Variants in CCDC93 observed in about 807,000 individuals in gnomAD.
CCDC93 encodes the protein CCC complex scaffolding subunit CCDC93, also known as coiled-coil domain-containing protein 93.
A neutral mutation model predicts 108.2 loss-of-function variants in CCDC93; 61 were observed. The observed-to-expected ratio is 0.56, with a 90% confidence interval of 0.46 to 0.70. The LOEUF is 0.70. Among genes scored for constraint, CCDC93 ranks in the 30% least tolerant of loss-of-function variants. The pLI is 0.00. For missense variants in CCDC93, 685 were observed against 764.2 expected, an observed-to-expected ratio of 0.90 and a Z score of 1.22; for synonymous variants, 276 against 260.4, an observed-to-expected ratio of 1.06 and a Z score of -0.58.
intron 12 of CCDC93, among the ~76,000 whole-genome samples, chr2:117,953,054 A>G (rs904552241): frequency 6.6e-6 from 1 of 152,376 alleles, no homozygotes; most frequent in South Asian, 2.1e-4. Context: ...CCTTGTGTCT[A>G]TCAACTTTTA....
chr2:117,953,644 A>G (rs1275977807), intron 12 of CCDC93, among the ~76,000 whole-genome samples: 3 of 151,408 alleles, frequency 2.0e-5, no homozygotes, highest in Non-Finnish European at 4.4e-5. Flanking sequence ...TGATTAAGTC[A>G]TGAGGGCTCC....
chr2:117,939,546 GTAT>G (rs1292987210), intron 19 of CCDC93, among the ~76,000 whole-genome samples: 1 of 152,190 alleles, frequency 6.6e-6, no homozygotes, highest in Non-Finnish European at 1.5e-5. Context: ...ATAGATGCAG[GTAT>G]TATTATTGCT....
chr2:117,918,510 C>T lies in CCDC93; in HGVS notation c.*1833G>A, dbSNP rs1221486140. 2 of 152,236 alleles carry T rather than the reference C, an allele frequency of 1.3e-5. No homozygotes were observed. The highest frequency in any genetic ancestry group is 2.9e-5 in the Non-Finnish European group (2 of 68,048). The allele number at this position is 152,236 out of a possible 1,614,324, so 9.4% of individuals were successfully genotyped here. On this transcript the variant is annotated 3_prime_UTR_variant, in exon 24 of 24. Transcript: ENST00000376300. The stretch of plus-strand genomic sequence containing the variant: ...CCAGTAACCCCAGAATGTCATCTGC[C>T]TCCCTACCACCTTTGGACAAATATT...
chr2:118,013,384 C>G (rs2104841528), intron 1 of CCDC93, among the ~76,000 whole-genome samples: 1 of 152,366 alleles, frequency 6.6e-6, no homozygotes, highest in East Asian at 1.9e-4. Flanking sequence ...GGACACCTCC[C>G]TGGTGCGCGC....
chr2:117,947,084 CAA>C (rs1270282992), intron 15 of CCDC93, among the ~76,000 whole-genome samples: 1 of 152,182 alleles, frequency 6.6e-6, no homozygotes, highest in East Asian at 1.9e-4. Context: ...ATTCCTCCAT[CAA>C]AAGAGGTCCT....
At chr2:117,929,974 A>G (rs553507862) in intron 23 of CCDC93, among the ~76,000 whole-genome samples, 1 of 152,156 alleles carries the variant, frequency 6.6e-6, no homozygotes, top group Non-Finnish European at 1.5e-5. Flanking sequence ...CTCTCCCACC[A>G]CAGCGTATGC....
chr2:118,007,979 C>T (rs1048409300), intron 2 of CCDC93, among the ~76,000 whole-genome samples: 5 of 152,188 alleles, frequency 3.3e-5, no homozygotes, highest in South Asian at 2.1e-4. Context: ...TTATTCTGTG[C>T]ATGTTGATTC....
At chr2:117,947,993 C>A in intron 15 of CCDC93, 112 bp downstream of exon 15, 1 of 856,432 alleles carries the variant, frequency 1.2e-6, no homozygotes, top group Non-Finnish European at 1.9e-6. Flanking sequence ...TGCGCCTGGC[C>A]AAATCTGCTT....
chr2:117,944,891 C>G, intron 17 of CCDC93: 2 of 453,700 alleles, frequency 4.4e-6, no homozygotes, highest in South Asian at 1.6e-5. Context: ...ACTTCCTTTC[C>G]TATCTCTTTC....
At chr2:117,998,127 G>A (rs1292257723) in intron 4 of CCDC93, 1 of 152,162 alleles carries the variant, frequency 6.6e-6, no homozygotes, top group African/African-American at 2.4e-5. Flanking sequence ...TCCAACCCAG[G>A]AGAAAAAGAT....
intron 23 of CCDC93, among the ~76,000 whole-genome samples, chr2:117,923,680 G>GCCTC (rs3078080): frequency 0.36 from 51,590 of 145,280 alleles, 9,531 homozygotes; most frequent in African/African-American, 0.48. Context: ...CTGCCTGCCT[G>GCCTC]CCTCTATAGA....
intron 12 of CCDC93, 83 bp from the exon 13 acceptor site, chr2:117,952,518 A>C: frequency 9.6e-7 from 1 of 1,036,334 alleles, no homozygotes. Flanking sequence ...GAGAAAATGA[A>C]AGCTCAGAAA....
At chr2:117,938,062 T>C (rs1678577490) in intron 20 of CCDC93, among the ~76,000 whole-genome samples, 1 of 152,206 alleles carries the variant, frequency 6.6e-6, no homozygotes, top group Non-Finnish European at 1.5e-5. Flanking sequence ...AAACACATTC[T>C]ATCAACCTCA....
At chr2:117,957,549 G>A (rs2104754777) in intron 12 of CCDC93, among the ~76,000 whole-genome samples, 1 of 152,320 alleles carries the variant, frequency 6.6e-6, no homozygotes, top group East Asian at 1.9e-4. Flanking sequence ...GCAGCAAACA[G>A]AATGGTCTTT....
intron 3 of CCDC93, among the ~76,000 whole-genome samples, chr2:118,004,041 G>A (rs1259086179): frequency 6.6e-6 from 1 of 152,174 alleles, no homozygotes; most frequent in African/African-American, 2.4e-5. Flanking sequence ...AGAGTGTTCA[G>A]TGCACTGCTT....
chr2:117,930,842 C>T (rs7561707), intron 23 of CCDC93, 195 bp downstream of exon 23: 1 of 503,138 alleles, frequency 2.0e-6, no homozygotes, highest in Non-Finnish European at 3.5e-6. Flanking sequence ...TTTAATTAGA[C>T]CTCAAGATGG....
chr2:117,962,329 T>C (rs1222064858), intron 11 of CCDC93, among the ~76,000 whole-genome samples: 1 of 152,184 alleles, frequency 6.6e-6, no homozygotes, highest in African/African-American at 2.4e-5. Flanking sequence ...ACTTCAATTT[T>C]TGGTACCCTG....
intron 22 of CCDC93, among the ~76,000 whole-genome samples, chr2:117,932,593 G>C (rs1678379252): frequency 6.6e-6 from 1 of 152,218 alleles, no homozygotes; most frequent in Non-Finnish European, 1.5e-5. Context: ...GCACACCCAT[G>C]CTAGGTCTCC....
chr2:117,954,252 T>A (rs1224449636), intron 12 of CCDC93, among the ~76,000 whole-genome samples: 1 of 152,122 alleles, frequency 6.6e-6, no homozygotes, highest in African/African-American at 2.4e-5. Flanking sequence ...ACATTGTAAC[T>A]GTGGGATTAA....
Sources: allele counts gnomAD v4.1 joint callset (sites outside exome capture counted in the v4.1 genomes callset), GRCh38; gene constraint gnomAD v4.1.1; transcripts MANE v1.5; gene names NCBI Gene and HGNC (gene_info 2026-07-23, HGNC 2026-07-21).